The following CSMD1 variants were observed in gnomAD, a reference collection of about 807,000 sequenced individuals.
The protein encoded by CSMD1 is CUB and sushi domain-containing protein 1.
CSMD1 carries 213 observed loss-of-function variants against 417.5 expected under a neutral mutation model. The ratio of observed to expected loss-of-function variants is 0.51; its 90% CI spans 0.46 to 0.57. The LOEUF (loss-of-function observed/expected upper bound fraction) is 0.57, where lower values mean the gene tolerates loss of function less well. Ranked by LOEUF, CSMD1 falls within the 20% of genes least tolerant of loss-of-function variation. The pLI is 0.00. For missense variants in CSMD1, 6,923 were observed against 4,529.7 expected (o/e 1.53, Z -15.17); for synonymous variants, 2,862 against 1,736.8 (o/e 1.65, Z -16.11).
At chr8:3,540,566 A>T (rs1036994454) in intron 10 of CSMD1, among the ~76,000 whole-genome samples, 1 of 152,242 alleles carries the variant, frequency 6.6e-6, no homozygotes, top group African/African-American at 2.4e-5. Flanking sequence ...TCTGCACGAC[A>T]AAAGAAACTA....
chr8:4,716,521 T>C (rs1808669255), intron 1 of CSMD1, among the ~76,000 whole-genome samples: 1 of 152,220 alleles, frequency 6.6e-6, no homozygotes, highest in African/African-American at 2.4e-5. Context: ...TATCTATGTT[T>C]ACACTTACCT....
At chr8:3,094,319 G>A (rs1585331734) in intron 47 of CSMD1, among the ~76,000 whole-genome samples, 1 of 151,918 alleles carries the variant, frequency 6.6e-6, no homozygotes, top group Non-Finnish European at 1.5e-5. Flanking sequence ...TGGCCAGGCT[G>A]GTCTCAAACT....
chr8:2,962,371 C>G, intron 61 of CSMD1, 95 bp downstream of exon 61: 2 of 1,133,502 alleles, frequency 1.8e-6, no homozygotes, highest in Non-Finnish European at 2.5e-6. Context: ...TATGGAAACA[C>G]TTTCTATGTA....
intron 3 of CSMD1, among the ~76,000 whole-genome samples, chr8:4,046,373 C>T (rs1585199770): frequency 6.6e-6 from 1 of 152,134 alleles, no homozygotes; most frequent in Non-Finnish European, 1.5e-5. Context: ...CTTTAATTTA[C>T]TTGGCATTAG....
At chr8:4,659,682 C>G (rs1433283501) in intron 1 of CSMD1, among the ~76,000 whole-genome samples, 2 of 152,060 alleles carry the variant, frequency 1.3e-5, no homozygotes, top group Non-Finnish European at 2.9e-5. Flanking sequence ...ATGGGGTTTC[C>G]TTTTTGGATG....
chr8:4,140,019 C>T (rs1275748261), intron 3 of CSMD1, among the ~76,000 whole-genome samples: 1 of 150,742 alleles, frequency 6.6e-6, no homozygotes, highest in African/African-American at 2.5e-5. Context: ...TCCCTGACCT[C>T]AATTTGCCTG....
chr8:3,440,570 T>C (rs79024064), intron 12 of CSMD1, among the ~76,000 whole-genome samples: 2,253 of 152,316 alleles, frequency 0.015, 57 homozygotes, highest in African/African-American at 0.05. Context: ...AAATTCTATC[T>C]AGACGATCAC....
chr8:3,865,549 C>T (rs772056864), intron 5 of CSMD1, among the ~76,000 whole-genome samples: 6 of 152,082 alleles, frequency 3.9e-5, no homozygotes, highest in Admixed American at 2.0e-4. Flanking sequence ...AGGGACCAAG[C>T]AGGCACGTAC....
intron 5 of CSMD1, among the ~76,000 whole-genome samples, chr8:3,771,779 T>C (rs1241277496): frequency 2.0e-5 from 3 of 152,148 alleles, no homozygotes; most frequent in Non-Finnish European, 2.9e-5. Context: ...CTCTCTCCAT[T>C]GCAGGAAAGA....
intron 7 of CSMD1, among the ~76,000 whole-genome samples, chr8:3,702,689 G>A (rs4875779): frequency 0.93 from 140,860 of 152,182 alleles, 65,230 homozygotes; most frequent in East Asian, 0.99. Context: ...AAAATTAGCC[G>A]GGCATCGTGG....
intron 3 of CSMD1, among the ~76,000 whole-genome samples, chr8:4,347,356 A>C (rs1376823812): frequency 6.6e-6 from 1 of 152,164 alleles, no homozygotes; most frequent in African/African-American, 2.4e-5. Flanking sequence ...AATATAATCG[A>C]TACTCTCTGC....
intron 3 of CSMD1, among the ~76,000 whole-genome samples, chr8:4,239,289 T>C (rs1802247926): frequency 1.3e-5 from 2 of 152,242 alleles, no homozygotes; most frequent in African/African-American, 4.8e-5. Context: ...CATCAACTTC[T>C]TCTTTTTGTG....
At chr8:4,735,092 T>A (rs1042543993) in intron 1 of CSMD1, among the ~76,000 whole-genome samples, 1 of 152,204 alleles carries the variant, frequency 6.6e-6, no homozygotes, top group Admixed American at 6.5e-5. Context: ...TTTGGGAAAG[T>A]TTCCGCAGGG....
chr8:4,526,486 G>A (rs1796519157), intron 2 of CSMD1, among the ~76,000 whole-genome samples: 1 of 152,144 alleles, frequency 6.6e-6, no homozygotes, highest in Non-Finnish European at 1.5e-5. Context: ...TAATTATTGT[G>A]CAAGCAAGAA....
At chr8:3,521,852 C>G (rs745985007) in intron 10 of CSMD1, among the ~76,000 whole-genome samples, 8 of 152,180 alleles carry the variant, frequency 5.3e-5, no homozygotes, top group Non-Finnish European at 1.2e-4. Flanking sequence ...ATCATACTAT[C>G]TATTCTAATA....
chr8:4,382,213 A>C (rs1426381077), intron 3 of CSMD1, among the ~76,000 whole-genome samples: 1 of 152,174 alleles, frequency 6.6e-6, no homozygotes, highest in Non-Finnish European at 1.5e-5. Context: ...CTTCAAATGG[A>C]AACTCAATTT....
At chr8:3,217,960 T>C (rs1797976457) in intron 29 of CSMD1, among the ~76,000 whole-genome samples, 1 of 152,246 alleles carries the variant, frequency 6.6e-6, no homozygotes, top group Non-Finnish European at 1.5e-5. Context: ...TGTTAAGTCC[T>C]CTTCCCTAAT....
chr8:4,839,948 C>G (rs1162036829), intron 1 of CSMD1, among the ~76,000 whole-genome samples: 3 of 152,276 alleles, frequency 2.0e-5, no homozygotes, highest in East Asian at 1.9e-4. Flanking sequence ...GACCCGGAGA[C>G]CAAAAGTCTT....
At chr8:3,991,048 G>A (rs1814706134) in intron 5 of CSMD1, among the ~76,000 whole-genome samples, 1 of 152,098 alleles carries the variant, frequency 6.6e-6, no homozygotes, top group East Asian at 1.9e-4. Context: ...CCACTTGTGG[G>A]GCTGCAGCAT....
Sources: gnomAD v4.1 joint callset for allele counts (sites outside exome capture counted in the v4.1 genomes callset) on GRCh38, gnomAD v4.1.1 for gene constraint, MANE v1.5 for transcripts, NCBI Gene and HGNC (gene_info 2026-07-23, HGNC 2026-07-21) for gene names.